PIK3R5: variants seen among roughly 807,000 people sequenced by gnomAD.
PIK3R5 encodes the protein phosphoinositide 3-kinase regulatory subunit 5.
PIK3R5 carries 32 observed loss-of-function variants against 94.9 expected under a neutral mutation model. That is an observed-to-expected ratio of 0.34 (90% confidence interval 0.25 to 0.45). PIK3R5 has a LOEUF of 0.45. Among genes scored for constraint, PIK3R5 ranks in the 20% least tolerant of loss-of-function variants. The pLI is 1.00. For synonymous variants in PIK3R5, 443 were observed against 479.4 expected (o/e 0.92, Z 0.99); for missense variants, 853 against 1,144.6 (o/e 0.75, Z 3.68).
chr17:8,949,518 G>A (rs1378186052), intron 1 of PIK3R5, among the ~76,000 whole-genome samples: 1 of 152,162 alleles, frequency 6.6e-6, no homozygotes, highest in East Asian at 1.9e-4. Flanking sequence ...ATGTATAAGA[G>A]ACAGAGACAG....
rs780246104 is a variant in PIK3R5 at position 8,881,662 on chromosome 17, G to A, written c.2350C>T (p.Gln784Ter). The change falls in exon 17 of 19, where the codon CAG becomes TAG. Residue 784 changes from glutamine (Q) to a stop codon, truncating the protein, a stop_gained. Transcript: ENST00000447110. LOFTEE classifies it high-confidence loss of function. This position sits in a 1 kb window ranked among gnomAD's most constrained non-coding sequence, Gnocchi z 4.8. ...TLNLTEVVKR[Q>*]NSKSKKGFNQ... The stretch of plus-strand genomic sequence containing the variant: ...AAGCCCTTCTTGGATTTGGAGTTCT[G>A]CCTTTTCACCACTTCTGTCAGGTTT... 1 of 1,613,612 alleles carries A rather than the reference G, an allele frequency of 6.2e-7. No homozygotes were observed. The highest frequency in any genetic ancestry group is 8.5e-7 in the Non-Finnish European group (1 of 1,179,774).
intron 2 of PIK3R5, among the ~76,000 whole-genome samples, chr17:8,910,296 G>C (rs2090495365): frequency 6.6e-6 from 1 of 152,176 alleles, no homozygotes; most frequent in South Asian, 2.1e-4. Context: ...TGTGGTCACA[G>C]GTTGTCAGAA....
At position 8,888,748 on chromosome 17, in the gene PIK3R5, G is replaced by T. The variant is rs2089949095; in HGVS notation, c.1039C>A (p.Leu347Ile). 1 of 1,613,604 alleles carries T rather than the reference G, an allele frequency of 6.2e-7. No homozygotes were observed. The highest frequency in any genetic ancestry group is 1.3e-5 in the African/African-American group (1 of 75,070). ...TGGGACGCCAAAGAGCTGGTGGAGA[G>T]CAGGGAATCTCTCTCGGCACAGTGC... The part of the protein sequence containing the change: ...DGHCAERDSL[L>I]STSSLASHDS... Residue 347 changes from leucine to isoleucine, a missense_variant, in exon 10 of 19, where the codon CTC becomes ATC. Around this residue, in one of 6 missense-constraint regions of PIK3R5, gnomAD observed 161 missense variants for 249.5 expected, o/e 0.65. Coordinates refer to ENST00000447110, the MANE Select transcript of PIK3R5 (RefSeq NM_001142633.3). This position sits in a 1 kb window ranked among gnomAD's most constrained non-coding sequence, Gnocchi z 7.8.
chr17:8,911,316 G>T lies in PIK3R5; in HGVS notation c.103+76C>A. On this transcript the variant is annotated intron_variant, in intron 2 of 18. Coordinates refer to ENST00000447110, the MANE Select transcript of PIK3R5 (RefSeq NM_001142633.3). This position sits in a 1 kb window ranked among gnomAD's most constrained non-coding sequence, Gnocchi z 5.3. ...TCACCTAGAATTTGCCAGTTTCCAT[G>T]CCTGGTCCAGTGCCCACCGTGGCCC... The T allele has an allele frequency of 8.7e-7, 1 of 1,153,698 alleles. No individual in the cohort carries two copies. The highest frequency in any genetic ancestry group is 1.3e-6 in the Non-Finnish European group (1 of 783,714). The allele number at this position is 1,153,698 out of a possible 1,614,324, so 71.5% of individuals were successfully genotyped here. A position where few individuals can be genotyped will look rare whatever the true frequency, so the allele number is the denominator to read the frequency against.
At position 8,904,909 on chromosome 17, in the gene PIK3R5, G is replaced by A. The variant is rs759433560; in HGVS notation, c.280C>T (p.His94Tyr). 6.2e-7 allele frequency: 1 copy of A among 1,612,744 alleles called. No individual in the cohort carries two copies. The highest frequency in any genetic ancestry group is 8.5e-7 in the Non-Finnish European group (1 of 1,180,022). The change falls in exon 5 of 19, where the codon CAC becomes TAC. Residue 94 changes from histidine to tyrosine, a missense_variant. Physicochemically the swap from His to Tyr is moderately conservative, Grantham distance 83. This residue lies in a region of PIK3R5 where 108 missense variants were observed against 170.1 expected (regional missense o/e 0.63). Coordinates refer to ENST00000447110, the MANE Select transcript of PIK3R5 (RefSeq NM_001142633.3). The surrounding 1 kb of genome is among the most constrained non-coding windows in gnomAD (Gnocchi z 5.1). Reference protein sequence around the residue: ...LFYSTVLCTPHFPPDSDLLLK... With the variant: ...LFYSTVLCTPYFPPDSDLLLK... ...AGGAGATCCGAGTCTGGTGGGAAGTGTGGTGTCTAGGATGGAGGCAGGCAA... is the reference window on the plus strand; with the variant it reads ...AGGAGATCCGAGTCTGGTGGGAAGTATGGTGTCTAGGATGGAGGCAGGCAA...
Position 8,905,802 on chromosome 17 carries a change from T to C in PIK3R5, c.205-65A>G, listed in dbSNP as rs1003724213. ...GGGTCCAGGGCTCCCTGAGGCAGAATACAGTGGTTCTTCCTCATTCTAGCC... is the reference window on the plus strand; with the variant it reads ...GGGTCCAGGGCTCCCTGAGGCAGAACACAGTGGTTCTTCCTCATTCTAGCC... On this transcript the variant is annotated intron_variant, in intron 3 of 18. Transcript: ENST00000447110. 2.9e-6 allele frequency: 3 copies of C among 1,024,016 alleles called. No homozygotes were observed. In the African/African-American group the frequency reaches 5.0e-5, roughly 17 times the overall value. 63.4% of individuals were successfully genotyped at this position (1,024,016 alleles called of 1,614,324 possible).
chr17:8,954,159 A>G (rs189377433), intron 1 of PIK3R5, among the ~76,000 whole-genome samples: 1 of 152,330 alleles, frequency 6.6e-6, no homozygotes, highest in East Asian at 1.9e-4. Context: ...GAGAAAAGGA[A>G]GTTTTTTGTT....
In PIK3R5 at chr17:8,880,551, T is replaced by A; in HGVS notation, c.*88A>T. 4 of 1,332,324 alleles carry A rather than the reference T, an allele frequency of 3.0e-6. No individual in the cohort carries two copies. Among genetic ancestry groups the A allele is most frequent in the Non-Finnish European group, 4.0e-6 (4 of 993,726 alleles). The allele number at this position is 1,332,324 out of a possible 1,614,324, so 82.5% of individuals were successfully genotyped here. ...GGGACTATGGCTCTGCACAGGGCCATTCAGTTCTCCACAGAGAGGGACTGT... is the reference window on the plus strand; with the variant it reads ...GGGACTATGGCTCTGCACAGGGCCAATCAGTTCTCCACAGAGAGGGACTGT... On this transcript the variant is annotated 3_prime_UTR_variant, in exon 19 of 19. Transcript: ENST00000447110.
chr17:8,895,610 AGCTCCTTC>A (rs946587490), intron 5 of PIK3R5, among the ~76,000 whole-genome samples: 4 of 152,050 alleles, frequency 2.6e-5, no homozygotes, highest in African/African-American at 9.7e-5. Flanking sequence ...TTCTCCTTGA[AGCTCCTTC>A]GTCTCCTCTT....
At chr17:8,951,445 T>C (rs144308017) in intron 1 of PIK3R5, among the ~76,000 whole-genome samples, 168 of 152,314 alleles carry the variant, frequency 1.1e-3, no homozygotes, top group African/African-American at 3.9e-3. Context: ...TCTAATCTAC[T>C]TTCTGTTTCT....
chr17:8,913,481 C>A lies in PIK3R5; in HGVS notation c.-13-1974G>T, dbSNP rs570703809. 1.3e-3 allele frequency among the ~76,000 whole-genome samples: 200 copies of A among 152,262 alleles called. 2 individuals are homozygous for A. The highest frequency in any genetic ancestry group is 2.5e-3 in the South Asian group (12 of 4,826). ...CAGCACTTTGGGAGGCCAAGGTGGG[C>A]GGATCACTTGAGGTCAGGATTTCGA... On this transcript the variant is annotated intron_variant, in intron 1 of 18. Coordinates refer to ENST00000447110, the MANE Select transcript of PIK3R5 (RefSeq NM_001142633.3).
intron 5 of PIK3R5, among the ~76,000 whole-genome samples, chr17:8,899,700 A>C (rs1385520759): frequency 1.3e-5 from 2 of 151,986 alleles, no homozygotes; most frequent in Admixed American, 1.3e-4. Flanking sequence ...TCTCCACTTA[A>C]CTGGGGGTGG....
intron 3 of PIK3R5, among the ~76,000 whole-genome samples, chr17:8,906,713 T>C (rs1228612787): frequency 6.6e-6 from 1 of 151,976 alleles, no homozygotes; most frequent in African/African-American, 2.4e-5. Flanking sequence ...CAAAACCCCA[T>C]CTGTACTAAA....
chr17:8,920,999 G>A (rs949763818), intron 1 of PIK3R5, among the ~76,000 whole-genome samples: 4 of 151,582 alleles, frequency 2.6e-5, no homozygotes, highest in Admixed American at 6.6e-5. Context: ...GCATCACCAC[G>A]GCTGGCTAAT....
At chr17:8,944,299 G>T (rs577125749) in intron 1 of PIK3R5, among the ~76,000 whole-genome samples, 11 of 152,242 alleles carry the variant, frequency 7.2e-5, no homozygotes, top group African/African-American at 2.4e-4. Context: ...TGGTGTATAT[G>T]TACCACATTT....
chr17:8,921,119 G>C (rs551240360), intron 1 of PIK3R5, among the ~76,000 whole-genome samples: 2 of 152,200 alleles, frequency 1.3e-5, no homozygotes, highest in South Asian at 4.1e-4. Context: ...GGGATTACAG[G>C]CATGAGCCAC....
chr17:8,955,183 C>G lies in PIK3R5; in HGVS notation c.-14+10413G>C, dbSNP rs1031690314. Among the ~76,000 whole-genome samples the G allele has an allele frequency of 6.6e-6, 1 of 152,154 alleles. No homozygotes were observed. The highest frequency in any genetic ancestry group is 2.4e-5 in the African/African-American group (1 of 41,424). On this transcript the variant is annotated intron_variant, in intron 1 of 18. Transcript: ENST00000447110. This position sits in a 1 kb window ranked among gnomAD's most constrained non-coding sequence, Gnocchi z 4.4. ...CCCCACAGAGGTCTCAGATGGGGAG[C>G]AGCCCAGCCTGCCCGATCATCAGTC...
chr17:8,885,877 C>T (rs1358574324), intron 14 of PIK3R5, among the ~76,000 whole-genome samples: 1 of 137,286 alleles, frequency 7.3e-6, no homozygotes, highest in East Asian at 2.2e-4. Flanking sequence ...TCCCCATGGC[C>T]CTGCCTCCCG....
At position 8,890,133 on chromosome 17, in the gene PIK3R5, C is replaced by G; in HGVS notation, c.658-7G>C. On this transcript the variant is annotated splice_polypyrimidine_tract_variant and splice_region_variant and intron_variant, in intron 7 of 18. Coordinates refer to ENST00000447110, the MANE Select transcript of PIK3R5 (RefSeq NM_001142633.3). This position sits in a 1 kb window ranked among gnomAD's most constrained non-coding sequence, Gnocchi z 6.1. ...GCTCTGCCAGGGTCTTGGCCTGAAA[C>G]CCCAGGAGGAGATGGGCTTTGCTCC... is the stretch of plus-strand genomic sequence containing the variant. 1 of 1,613,570 alleles carries G rather than the reference C, an allele frequency of 6.2e-7. No homozygotes were observed. The highest frequency in any genetic ancestry group is 1.7e-5 in the Admixed American group (1 of 60,004).
Sources: allele counts gnomAD v4.1 joint callset (sites outside exome capture counted in the v4.1 genomes callset), GRCh38; gene constraint gnomAD v4.1.1; regional missense constraint gnomAD v4.1.1; non-coding constraint Gnocchi (gnomAD v3.1); transcripts MANE v1.5; gene names NCBI Gene and HGNC (gene_info 2026-07-23, HGNC 2026-07-21).